PTPRN2: variants seen among roughly 807,000 people sequenced by gnomAD.
PTPRN2 encodes the protein receptor-type tyrosine-protein phosphatase N2.
In PTPRN2, 74 loss-of-function variants were observed where a neutral mutation model predicts 118.8. That is an observed-to-expected ratio of 0.62 (90% confidence interval 0.52 to 0.76). The LOEUF (loss-of-function observed/expected upper bound fraction) is 0.76, where lower values mean the gene tolerates loss of function less well. Ranked by LOEUF, PTPRN2 falls within the 30% of genes least tolerant of loss-of-function variation. The probability of loss-of-function intolerance (pLI) is 0.00; values close to 1 mark genes in which losing one functional copy is unlikely to be tolerated. For missense variants in PTPRN2, 1,481 were observed against 1,394.4 expected (o/e 1.06, Z -0.99); for synonymous variants, 641 against 608.0 (o/e 1.05, Z -0.80).
At chr7:158,018,014 C>T (rs936234138) in intron 11 of PTPRN2, among the ~76,000 whole-genome samples, 4 of 152,150 alleles carry the variant, frequency 2.6e-5, no homozygotes, top group African/African-American at 9.7e-5. Context: ...TGAACACTCT[C>T]GGATTCCATG....
At chr7:157,886,988 G>T (rs1275845748) in intron 12 of PTPRN2, among the ~76,000 whole-genome samples, 5 of 151,986 alleles carry the variant, frequency 3.3e-5, no homozygotes, top group Non-Finnish European at 7.4e-5. Context: ...CTGTCCTGGG[G>T]CCTTCGAGGT....
rs75775079 is a variant in PTPRN2, at chr7:157,973,943, A to C, written c.1724-75206T>G. Among the ~76,000 whole-genome samples, 645 of 152,280 alleles carry C rather than the reference A, an allele frequency of 4.2e-3. 14 individuals are homozygous for C. In the South Asian group the frequency reaches 0.052, roughly 12 times the overall value. The stretch of plus-strand genomic sequence containing the variant: ...GGGGGGACTGGAAACACATTTCTCC[A>C]TTCATTGTCAGTGGTGTTACAAGCC... On this transcript the variant is annotated intron_variant, in intron 11 of 22. Coordinates refer to ENST00000389418, the MANE Select transcript of PTPRN2 (RefSeq NM_002847.5).
intron 3 of PTPRN2, among the ~76,000 whole-genome samples, chr7:158,230,669 C>A (rs80354291): frequency 0.035 from 5,272 of 151,450 alleles, 322 homozygotes; most frequent in African/African-American, 0.12. Flanking sequence ...AACTGTAACA[C>A]ATGCACTAAA....
chr7:157,553,163 C>T (rs956476992), intron 21 of PTPRN2, among the ~76,000 whole-genome samples: 1 of 152,222 alleles, frequency 6.6e-6, no homozygotes, highest in Non-Finnish European at 1.5e-5. Context: ...TGAGACATCA[C>T]GTTGAGGGTT....
intron 12 of PTPRN2, among the ~76,000 whole-genome samples, chr7:157,884,555 C>T (rs548371396): frequency 6.6e-5 from 10 of 152,270 alleles, no homozygotes; most frequent in Admixed American, 2.6e-4. Flanking sequence ...TAAATACATA[C>T]GGGAGACTGG....
chr7:157,571,495 T>G lies in PTPRN2; in HGVS notation c.2784-2A>C. ...CCCCTGTAGCACTTGTTTACTTTTC[T>G]GAAATAAAAAGAGATATAAAAATTA... is the stretch of plus-strand genomic sequence containing the variant. On this transcript the variant is annotated splice_acceptor_variant, in intron 19 of 22. Coordinates refer to ENST00000389418, the MANE Select transcript of PTPRN2 (RefSeq NM_002847.5). LOFTEE classifies it high-confidence loss of function. 3.1e-6 allele frequency: 5 copies of G among 1,604,376 alleles called. No individual in the cohort carries two copies. Among genetic ancestry groups the G allele is most frequent in the Non-Finnish European group, 4.3e-6 (5 of 1,173,610 alleles).
chr7:158,536,987 G>A (rs560748496), intron 1 of PTPRN2, among the ~76,000 whole-genome samples: 4 of 152,312 alleles, frequency 2.6e-5, no homozygotes, highest in African/African-American at 9.6e-5. Flanking sequence ...AGGGCCCTCT[G>A]GGACATGACT....
chr7:157,771,495 C>A (rs1237935151), intron 12 of PTPRN2, among the ~76,000 whole-genome samples: 1 of 152,222 alleles, frequency 6.6e-6, no homozygotes, highest in Non-Finnish European at 1.5e-5. Flanking sequence ...TAACAGCCAC[C>A]CACCATGTCA....
intron 6 of PTPRN2, among the ~76,000 whole-genome samples, chr7:158,150,239 T>C (rs2150522622): frequency 6.6e-6 from 1 of 152,342 alleles, no homozygotes; most frequent in Non-Finnish European, 1.5e-5. Context: ...GAAAAATAGA[T>C]GGATGTATTC....
At chr7:158,195,591 G>A (rs1826147131) in intron 4 of PTPRN2, among the ~76,000 whole-genome samples, 1 of 150,476 alleles carries the variant, frequency 6.6e-6, no homozygotes, top group Non-Finnish European at 1.5e-5. Flanking sequence ...TTGGCCTTTA[G>A]ATGTGTCCCA....
chr7:157,931,707 A>G lies in PTPRN2; in HGVS notation c.1724-32970T>C, dbSNP rs113759913. On this transcript the variant is annotated intron_variant, in intron 11 of 22. Coordinates refer to ENST00000389418, the MANE Select transcript of PTPRN2 (RefSeq NM_002847.5). ...TTTTCAGTGAGTTACCGAGACAGTT[A>G]GAGGTGTAGCTTTGGTAAGCTAAAT... 3.7e-3 allele frequency among the ~76,000 whole-genome samples: 567 copies of G among 152,218 alleles called. 1 individual carries two copies. Among genetic ancestry groups the G allele is most frequent in the African/African-American group, 0.013 (534 of 41,532 alleles).
At chr7:157,965,300 G>A (rs1282350022) in intron 11 of PTPRN2, among the ~76,000 whole-genome samples, 1 of 152,090 alleles carries the variant, frequency 6.6e-6, no homozygotes, top group African/African-American at 2.4e-5. Context: ...ATGAACACTG[G>A]CAAGAGAGTT....
intron 3 of PTPRN2, among the ~76,000 whole-genome samples, chr7:158,283,735 CACAG>C (rs1013508329): frequency 6.6e-6 from 1 of 152,144 alleles, no homozygotes; most frequent in African/African-American, 2.4e-5. Context: ...CCGTGGCAGC[CACAG>C]AGACAGGCCA....
At position 157,572,981 on chromosome 7, in the gene PTPRN2, C is replaced by T. The variant is rs962765433; in HGVS notation, c.2784-1488G>A. On this transcript the variant is annotated intron_variant, in intron 19 of 22. Coordinates refer to ENST00000389418, the MANE Select transcript of PTPRN2 (RefSeq NM_002847.5). ...AAGGCAATGGTGAACTCCTTAGAGG[C>T]AACAGCACTTGTATGCCAGAGTGCC... 5.3e-5 allele frequency among the ~76,000 whole-genome samples: 8 copies of T among 152,224 alleles called. No individual in the cohort carries two copies. The East Asian group carries it at 1.5e-3, about 29-fold the overall frequency.
chr7:158,488,181 A>T (rs1586784721), intron 2 of PTPRN2, among the ~76,000 whole-genome samples: 2 of 152,174 alleles, frequency 1.3e-5, no homozygotes, highest in Admixed American at 6.5e-5. Context: ...TGTTGAGTCC[A>T]GGCAGACGAC....
chr7:157,849,041 T>G (rs897402607), intron 12 of PTPRN2, among the ~76,000 whole-genome samples: 1 of 152,172 alleles, frequency 6.6e-6, no homozygotes, highest in Non-Finnish European at 1.5e-5. Context: ...TGGGATGACG[T>G]CTGCGGAGCC....
At chr7:158,139,037 A>G (rs1193315656) in intron 6 of PTPRN2, among the ~76,000 whole-genome samples, 2 of 152,122 alleles carry the variant, frequency 1.3e-5, no homozygotes, top group African/African-American at 2.4e-5. Context: ...AAACACAGCC[A>G]CACAGGGTCA....
At chr7:157,579,621 AC>A (rs1364469249) in intron 17 of PTPRN2, among the ~76,000 whole-genome samples, 1 of 152,090 alleles carries the variant, frequency 6.6e-6, no homozygotes, top group East Asian at 1.9e-4. Context: ...GACTGGGGGG[AC>A]CCGGACGGCC....
chr7:157,625,092 G>A (rs539436296), intron 14 of PTPRN2, among the ~76,000 whole-genome samples: 2 of 152,340 alleles, frequency 1.3e-5, no homozygotes, highest in South Asian at 2.1e-4. Context: ...AGATGTTGGT[G>A]TGGATGCAGT....
Sources: gnomAD v4.1 joint callset for allele counts (sites outside exome capture counted in the v4.1 genomes callset) on GRCh38, gnomAD v4.1.1 for gene constraint, MANE v1.5 for transcripts, NCBI Gene and HGNC (gene_info 2026-07-23, HGNC 2026-07-21) for gene names.